Variants in BCL2A1 observed in about 807,000 individuals in gnomAD.
The protein encoded by BCL2A1 is bcl-2-related protein A1.
In BCL2A1, 10 loss-of-function variants were observed where a neutral mutation model predicts 14.4. That is an observed-to-expected ratio of 0.69 (90% confidence interval 0.43 to 1.18). BCL2A1 has a LOEUF of 1.18. Ranked by LOEUF, BCL2A1 falls within the 50% of genes most tolerant of loss-of-function variation. The probability of loss-of-function intolerance (pLI) is 0.00; values close to 1 mark genes in which losing one functional copy is unlikely to be tolerated. For synonymous variants in BCL2A1, 71 were observed against 76.5 expected (o/e 0.93, Z 0.38); for missense variants, 158 against 205.0 (o/e 0.77, Z 1.40).
intron 1 of BCL2A1, among the ~76,000 whole-genome samples, chr15:79,968,506 G>GA (rs1363877786): frequency 6.6e-6 from 1 of 152,196 alleles, no homozygotes; most frequent in African/African-American, 2.4e-5. Flanking sequence ...TATCATGCAG[G>GA]AAGGCCTTAA....
At chr15:79,969,536 C>T (rs2035575394) in intron 1 of BCL2A1, among the ~76,000 whole-genome samples, 1 of 152,074 alleles carries the variant, frequency 6.6e-6, no homozygotes, top group Admixed American at 6.6e-5. Flanking sequence ...CTTAATAATA[C>T]TATTTTAAAT....
chr15:79,964,759 GAC>G (rs1175535866), intron 1 of BCL2A1, among the ~76,000 whole-genome samples: 1 of 152,232 alleles, frequency 6.6e-6, no homozygotes, highest in Non-Finnish European at 1.5e-5. Flanking sequence ...TGGGTAGGGA[GAC>G]AGAGAGTGGC....
rs770572475 is a variant in BCL2A1, at chr15:79,970,807, G to A, written c.313C>T (p.Arg105Ter). The A allele has an allele frequency of 1.4e-5, 22 of 1,614,166 alleles. 1 individual carries two copies. Among genetic ancestry groups the A allele is most frequent in the South Asian group, 1.1e-4 (10 of 91,080 alleles). The change falls in exon 1 of 2, where the codon CGA becomes TGA. Residue 105 changes from arginine to a stop codon, truncating the protein, a stop_gained. Transcript: ENST00000267953. LOFTEE classifies it high-confidence loss of function. ...FEGILIKKLL[R>*]QQIAPDVDTY... ...TCCACATCCGGGGCAATTTGCTGTC[G>A]TAGAAGTTTCTTGATGAGAATACCT...
intron 1 of BCL2A1, among the ~76,000 whole-genome samples, chr15:79,965,374 G>A (rs1168643243): frequency 2.6e-5 from 4 of 152,088 alleles, no homozygotes; most frequent in African/African-American, 7.2e-5. Context: ...TGATCCGCCC[G>A]CCTCGGCCTC....
rs1474286281 is a variant in BCL2A1, at chr15:79,970,787, A to C, written c.333T>G (p.Asp111Glu). ...ATGAAATCTCCTTATAGGTATCCAC[A>C]TCCGGGGCAATTTGCTGTCGTAGAA... is the stretch of plus-strand genomic sequence containing the variant. ...KKLLRQQIAP[D>E]VDTYKEISYF... is the part of the protein sequence containing the mutation. Residue 111 changes from aspartate to glutamate, a missense_variant, in exon 1 of 2, where the codon GAT becomes GAG. Asp to Glu is a conservative substitution (Grantham distance 45). Transcript: ENST00000267953. 6.2e-7 allele frequency: 1 copy of C among 1,614,208 alleles called. No individual in the cohort carries two copies.
chr15:79,966,669 G>A (rs956846891), intron 1 of BCL2A1, among the ~76,000 whole-genome samples: 2 of 152,168 alleles, frequency 1.3e-5, no homozygotes, highest in African/African-American at 2.4e-5. Flanking sequence ...CAGCCAAATG[G>A]CACTAGCTCT....
intron 1 of BCL2A1, among the ~76,000 whole-genome samples, chr15:79,968,332 A>T (rs1481000917): frequency 6.6e-6 from 1 of 152,188 alleles, no homozygotes; most frequent in Non-Finnish European, 1.5e-5. Context: ...TACACAGTGC[A>T]GCTGAATTTC....
At chr15:79,969,996 C>T (rs1019189713) in intron 1 of BCL2A1, among the ~76,000 whole-genome samples, 1 of 152,034 alleles carries the variant, frequency 6.6e-6, no homozygotes, top group African/African-American at 2.4e-5. Context: ...TCAACACAGG[C>T]CTCTACATAG....
At position 79,962,225 on chromosome 15, in the gene BCL2A1, C is replaced by T. The variant is rs1046147331; in HGVS notation, c.421-1051G>A. Reference sequence around the variant, plus strand: ...AACTCTTTGATAGTTGGGAGTGACTCGAGAGCTCTGCGGTGCCTTGGAATC... The same window carrying T: ...AACTCTTTGATAGTTGGGAGTGACTTGAGAGCTCTGCGGTGCCTTGGAATC... On this transcript the variant is annotated intron_variant, in intron 1 of 1. Transcript: ENST00000267953. Among the ~76,000 whole-genome samples the T allele has an allele frequency of 1.2e-4, 18 of 152,228 alleles. No homozygotes were observed. The East Asian group carries it at 2.9e-3, about 24-fold the overall frequency.
At chr15:79,967,992 G>A (rs141676383) in intron 1 of BCL2A1, among the ~76,000 whole-genome samples, 56 of 151,944 alleles carry the variant, frequency 3.7e-4, no homozygotes, top group African/African-American at 1.3e-3. Flanking sequence ...CAGGCAATGT[G>A]TGTATTTGTA....
chr15:79,968,561 G>T (rs2035565619), intron 1 of BCL2A1, among the ~76,000 whole-genome samples: 1 of 152,200 alleles, frequency 6.6e-6, no homozygotes, highest in South Asian at 2.1e-4. Context: ...AAATTTGATT[G>T]CAACAAACTT....
intron 1 of BCL2A1, among the ~76,000 whole-genome samples, chr15:79,968,559 T>C (rs944802296): frequency 6.6e-6 from 1 of 152,354 alleles, no homozygotes; most frequent in Middle Eastern, 3.4e-3. Flanking sequence ...ATAAATTTGA[T>C]TGCAACAAAC....
At chr15:79,965,386 C>A (rs1022285387) in intron 1 of BCL2A1, among the ~76,000 whole-genome samples, 3 of 152,180 alleles carry the variant, frequency 2.0e-5, no homozygotes, top group African/African-American at 4.8e-5. Context: ...CTCGGCCTCC[C>A]AAAGTGCTGG....
Position 79,970,734 on chromosome 15 carries a change from T to A in BCL2A1, c.386A>T (p.Asn129Ile), listed in dbSNP as rs2035584441. ...GTTTTGCCTTATCCATTCTCCTGTG[T>A]TATTCATTATGAACTCCGCAACAAA... ...SYFVAEFIMN[N>I]TGEWIRQNGG... The change falls in exon 1 of 2, where the codon AAC becomes ATC. Residue 129 changes from asparagine to isoleucine, a missense_variant. By Grantham distance (149) the Asn-to-Ile change is moderately radical (BLOSUM62 -3). Coordinates refer to ENST00000267953, the MANE Select transcript of BCL2A1 (RefSeq NM_004049.4). 1 of 1,613,774 alleles carries A rather than the reference T, an allele frequency of 6.2e-7. No homozygotes were observed. Among genetic ancestry groups the A allele is most frequent in the Non-Finnish European group, 8.5e-7 (1 of 1,179,640 alleles).
At chr15:79,970,018 T>C (rs547808861) in intron 1 of BCL2A1, among the ~76,000 whole-genome samples, 32 of 152,190 alleles carry the variant, frequency 2.1e-4, no homozygotes, top group Admixed American at 3.9e-4. Flanking sequence ...CTTGGCTTTT[T>C]TAGGCACTGA....
intron 1 of BCL2A1, among the ~76,000 whole-genome samples, chr15:79,965,789 G>A (rs1478680115): frequency 1.3e-5 from 2 of 152,006 alleles, no homozygotes; most frequent in Admixed American, 1.3e-4. Context: ...TTTAATCAAA[G>A]GATATATATG....
At chr15:79,967,933 A>ATTTT (rs1567024305) in intron 1 of BCL2A1, among the ~76,000 whole-genome samples, 20 of 147,824 alleles carry the variant, frequency 1.4e-4, no homozygotes, top group East Asian at 1.2e-3. Flanking sequence ...TTTTTTTTAA[A>ATTTT]AAAAAAAAAG....
In BCL2A1 at chr15:79,960,945, T is replaced by G; in HGVS notation, c.*122A>C. On this transcript the variant is annotated 3_prime_UTR_variant, in exon 2 of 2. Coordinates refer to ENST00000267953, the MANE Select transcript of BCL2A1 (RefSeq NM_004049.4). ...TACATGGGGACAAAATTTCCATAAC[T>G]CTGGAAGGTCAAGTTACATCATCAA... 1 of 1,478,756 alleles carries G rather than the reference T, an allele frequency of 6.8e-7. No homozygotes were observed. The highest frequency in any genetic ancestry group is 1.2e-5 in the South Asian group (1 of 82,858). The allele number at this position is 1,478,756 out of a possible 1,614,324, so 91.6% of individuals were successfully genotyped here. A position where few individuals can be genotyped will look rare whatever the true frequency, so the allele number is the denominator to read the frequency against.
chr15:79,962,468 A>G (rs1437016502), intron 1 of BCL2A1, among the ~76,000 whole-genome samples: 2 of 152,126 alleles, frequency 1.3e-5, no homozygotes, highest in African/African-American at 2.4e-5. Context: ...TACACTCTCA[A>G]GAGGTATCCA....
Sources: allele counts gnomAD v4.1 joint callset (sites outside exome capture counted in the v4.1 genomes callset), GRCh38; gene constraint gnomAD v4.1.1; transcripts MANE v1.5; gene names NCBI Gene and HGNC (gene_info 2026-07-23, HGNC 2026-07-21).